The following CIITA variants were observed in gnomAD, a reference collection of about 807,000 sequenced individuals.
CIITA encodes MHC class II transactivator.
Under a neutral mutation model 115.1 loss-of-function variants are expected in CIITA, and 72 were observed. The observed-to-expected ratio is 0.63, with a 90% CI of 0.52 to 0.76. The LOEUF is 0.76. Among genes scored for constraint, CIITA ranks in the 30% least tolerant of loss-of-function variants. CIITA has a pLI of 0.00. For missense variants in CIITA, 1,617 were observed against 1,463.8 expected (o/e 1.10, Z -1.71); for synonymous variants, 763 against 635.6 (o/e 1.20, Z -3.02).
chr16:10,913,498 T>A (rs1567434809), intron 13 of CIITA: 1 of 158,842 alleles, frequency 6.3e-6, no homozygotes, highest in African/African-American at 2.4e-5. Context: ...GTATTTTTAG[T>A]AGAGACGGGG....
chr16:10,902,562 C>CTAAA, intron 7 of CIITA, 96 bp from the exon 8 acceptor site: 2 of 1,520,566 alleles, frequency 1.3e-6, no homozygotes, highest in Non-Finnish European at 9.1e-7. Context: ...AATTAGGGCC[C>CTAAA]TTTAGGGGGG....
At chr16:10,922,328 G>C in intron 17 of CIITA, 78 bp downstream of exon 17, 1 of 1,608,338 alleles carries the variant, frequency 6.2e-7, no homozygotes, top group African/African-American at 1.3e-5. Context: ...TGTCCTGGAA[G>C]AGCTGGATGT....
chr16:10,923,801 G>T lies in CIITA; in HGVS notation c.*23-77G>T. The T allele has an allele frequency of 5.4e-6, 1 of 184,976 alleles. No individual in the cohort carries two copies. The highest frequency in any genetic ancestry group is 1.1e-5 in the Non-Finnish European group (1 of 87,774). 11.5% of individuals were successfully genotyped at this position (184,976 alleles called of 1,614,324 possible). On this transcript the variant is annotated intron_variant, in intron 19 of 19. Coordinates refer to ENST00000324288, the MANE Select transcript of CIITA (RefSeq NM_000246.4). This position sits in a 1 kb window ranked among gnomAD's most constrained non-coding sequence, Gnocchi z 5.2. The stretch of plus-strand genomic sequence containing the variant: ...CCCCTCCCATCCCCCCATCTTGATA[G>T]CACCCTTCCCAGGTGTCAAGCTGCC...
Position 10,923,182 on chromosome 16 carries a change from G to T in CIITA, c.3318-46G>T. On this transcript the variant is annotated intron_variant, in intron 18 of 19. Transcript: ENST00000324288. The surrounding 1 kb of genome is among the most constrained non-coding windows in gnomAD (Gnocchi z 5.2). The stretch of plus-strand genomic sequence containing the variant: ...GCAGCTGTCACTGGGGCCCCAGGCC[G>T]CCCTCTCTCCTCTAACCTGGCTCTG... 1 of 1,578,560 alleles carries T rather than the reference G, an allele frequency of 6.3e-7. No individual in the cohort carries two copies.
intron 1 of CIITA, among the ~76,000 whole-genome samples, chr16:10,878,053 C>A (rs1461832546): frequency 6.6e-6 from 1 of 152,054 alleles, no homozygotes. Context: ...GTACAATGGA[C>A]CTGTGGGAAA....
Position 10,902,195 on chromosome 16 carries a change from G to C in CIITA, c.628+11G>C. 1 of 1,614,028 alleles carries C rather than the reference G, an allele frequency of 6.2e-7. No individual in the cohort carries two copies. The highest frequency in any genetic ancestry group is 1.7e-5 in the Admixed American group (1 of 60,028). On this transcript the variant is annotated intron_variant, in intron 7 of 19. Coordinates refer to ENST00000324288, the MANE Select transcript of CIITA (RefSeq NM_000246.4). Reference sequence around the variant, plus strand: ...CCGACCAGATTCCCAGTATGTTAGGGGGCTTGGAGAGAGTGGGCTTTCTCC... The same window carrying C: ...CCGACCAGATTCCCAGTATGTTAGGCGGCTTGGAGAGAGTGGGCTTTCTCC...
At position 10,927,633 on chromosome 16, in the gene CIITA, C is replaced by A. The variant is rs1229949804; in HGVS notation, c.*3778C>A. 6.6e-6 allele frequency: 1 copy of A among 152,248 alleles called. No individual in the cohort carries two copies. The highest frequency in any genetic ancestry group is 2.4e-5 in the African/African-American group (1 of 41,460). 9.4% of individuals were successfully genotyped at this position (152,248 alleles called of 1,614,324 possible). A position where few individuals can be genotyped will look rare whatever the true frequency, so the allele number is the denominator to read the frequency against. ...GGGACAAGGGGGAACATGGGGGCTG[C>A]AAACCAGTCTGGGTTCTGCTTGCCA... On this transcript the variant is annotated 3_prime_UTR_variant, in exon 20 of 20. Coordinates refer to ENST00000324288, the MANE Select transcript of CIITA (RefSeq NM_000246.4).
intron 15 of CIITA, among the ~76,000 whole-genome samples, chr16:10,917,191 T>C (rs1359194740): frequency 6.6e-6 from 1 of 152,234 alleles, no homozygotes; most frequent in Non-Finnish European, 1.5e-5. Context: ...TTTTTCTTTT[T>C]TTCAGACAAG....
At chr16:10,905,697 G>A (rs1215841126) in intron 10 of CIITA, among the ~76,000 whole-genome samples, 2 of 152,134 alleles carry the variant, frequency 1.3e-5, no homozygotes, top group African/African-American at 2.4e-5. Context: ...AGGAGGTGGA[G>A]GTTGCCGTGA....
At position 10,934,385 on chromosome 16, in the gene CIITA, T is replaced by C. The variant is rs1487914743; in HGVS notation, c.*10530T>C. On this transcript the variant is annotated 3_prime_UTR_variant, in exon 20 of 20. Transcript: ENST00000324288. This position sits in a 1 kb window ranked among gnomAD's most constrained non-coding sequence, Gnocchi z 4.2. ...TGAAAATGGAACCAGGAAGTCTAGCTTGATACCCTTGGCCTGTATAACTGA... is the reference window on the plus strand; with the variant it reads ...TGAAAATGGAACCAGGAAGTCTAGCCTGATACCCTTGGCCTGTATAACTGA... 1 of 152,266 alleles carries C rather than the reference T, an allele frequency of 6.6e-6. No individual in the cohort carries two copies. Among genetic ancestry groups the C allele is most frequent in the African/African-American group, 2.4e-5 (1 of 41,464 alleles). 9.4% of individuals were successfully genotyped at this position (152,266 alleles called of 1,614,324 possible). A position where few individuals can be genotyped will look rare whatever the true frequency, so the allele number is the denominator to read the frequency against.
chr16:10,916,540 T>C, intron 15 of CIITA, 81 bp downstream of exon 15: 1 of 1,262,748 alleles, frequency 7.9e-7, no homozygotes, highest in Non-Finnish European at 1.1e-6. Context: ...TTTAAATTTG[T>C]TTTTTTAGAC....
At chr16:10,872,372 C>G (rs929996378), upstream of CIITA, among the ~76,000 whole-genome samples, 1 of 152,216 alleles carries the variant, frequency 6.6e-6, no homozygotes, top group Non-Finnish European at 1.5e-5. Flanking sequence ...ATCCACCCAT[C>G]TCAGCTTCCC....
Position 10,901,598 on chromosome 16 carries a change from G to A in CIITA, c.481+40G>A. ...TGGGCTGGGGTTGGGAAGGGTGGATGCCTTGGGGAGGGGATGGAAGAGATT... is the reference window on the plus strand; with the variant it reads ...TGGGCTGGGGTTGGGAAGGGTGGATACCTTGGGGAGGGGATGGAAGAGATT... On this transcript the variant is annotated intron_variant, in intron 6 of 19. Coordinates refer to ENST00000324288, the MANE Select transcript of CIITA (RefSeq NM_000246.4). The surrounding 1 kb of genome is among the most constrained non-coding windows in gnomAD (Gnocchi z 6.8). 3.1e-6 allele frequency: 5 copies of A among 1,602,478 alleles called. No homozygotes were observed. Among genetic ancestry groups the A allele is most frequent in the Non-Finnish European group, 4.3e-6 (5 of 1,171,146 alleles).
At chr16:10,869,156 C>T (rs552481102) in intron 1 of CIITA, among the ~76,000 whole-genome samples, 243 of 152,346 alleles carry the variant, frequency 1.6e-3, no homozygotes, top group Non-Finnish European at 3.0e-3. Context: ...CTGTGCTAAA[C>T]GCTGCACTGG....
upstream of CIITA, among the ~76,000 whole-genome samples, chr16:10,874,245 A>C (rs1279064345): frequency 1.3e-5 from 2 of 152,092 alleles, no homozygotes; most frequent in Non-Finnish European, 2.9e-5. Flanking sequence ...CAGTCTCCTA[A>C]AGTGTTGAGA....
chr16:10,909,126 C>A lies in CIITA; in HGVS notation c.2755C>A (p.Pro919Thr). Residue 919 changes from proline to threonine, a missense_variant, in exon 12 of 20, where the codon CCT becomes ACT. By Grantham distance (38) the Pro-to-Thr change is conservative (BLOSUM62 -1). Transcript: ENST00000324288. ...AGCAGAGGAGAAGTTCACCATCGAGCCTTTCAAAGCCAAGTCCCTGAAGGA... is the reference window on the plus strand; with the variant it reads ...AGCAGAGGAGAAGTTCACCATCGAGACTTTCAAAGCCAAGTCCCTGAAGGA... ...QAAEEKFTIEPFKAKSLKDVE... is the reference protein window; with the variant it reads ...QAAEEKFTIETFKAKSLKDVE... The A allele has an allele frequency of 1.9e-6, 3 of 1,614,198 alleles. No individual in the cohort carries two copies. Among genetic ancestry groups the A allele is most frequent in the South Asian group, 1.1e-5 (1 of 91,082 alleles).
intron 13 of CIITA, among the ~76,000 whole-genome samples, chr16:10,912,814 G>A (rs1357017387): frequency 6.6e-6 from 1 of 152,360 alleles, no homozygotes; most frequent in East Asian, 1.9e-4. Context: ...GCCTAGAGCC[G>A]GGTGATCAGC....
At chr16:10,877,420 G>A (rs2035931746) in intron 1 of CIITA, 38 bp downstream of exon 1, 1 of 1,586,518 alleles carries the variant, frequency 6.3e-7, no homozygotes, top group African/African-American at 1.3e-5. Context: ...TTAGCGTGCA[G>A]TCTCAGCTGG....
chr16:10,901,618 G>C lies in CIITA; in HGVS notation c.481+60G>C, dbSNP rs2038762544. The C allele has an allele frequency of 1.3e-6, 2 of 1,542,608 alleles. No individual in the cohort carries two copies. Among genetic ancestry groups the C allele is most frequent in the East Asian group, 2.3e-5 (1 of 43,822 alleles). Reference sequence around the variant, plus strand: ...TGGATGCCTTGGGGAGGGGATGGAAGAGATTGAACTCCTGGCCCAAGTCTG... The same window carrying C: ...TGGATGCCTTGGGGAGGGGATGGAACAGATTGAACTCCTGGCCCAAGTCTG... On this transcript the variant is annotated intron_variant, in intron 6 of 19. Transcript: ENST00000324288. The surrounding 1 kb of genome is among the most constrained non-coding windows in gnomAD (Gnocchi z 6.8).
Sources: allele counts gnomAD v4.1 joint callset (sites outside exome capture counted in the v4.1 genomes callset), GRCh38; gene constraint gnomAD v4.1.1; non-coding constraint Gnocchi (gnomAD v3.1); transcripts MANE v1.5; gene names NCBI Gene and HGNC (gene_info 2026-07-23, HGNC 2026-07-21).